STOML1: variants seen among roughly 807,000 people sequenced by gnomAD.
STOML1 encodes stomatin-like protein 1.
STOML1 carries 27 observed loss-of-function variants against 35.7 expected under a neutral mutation model. The ratio of observed to expected loss-of-function variants is 0.76; its 90% confidence interval spans 0.56 to 1.04. The LOEUF (loss-of-function observed/expected upper bound fraction) is 1.04. Among genes scored for constraint, STOML1 ranks in the 50% least tolerant of loss-of-function variants. The pLI is 0.00. For missense variants in STOML1, 451 were observed against 527.1 expected, an observed-to-expected ratio of 0.86 and a Z score of 1.41; for synonymous variants, 219 against 227.9, an observed-to-expected ratio of 0.96 and a Z score of 0.35.
chr15:73,990,894 T>C (rs2069253551), intron 1 of STOML1: 1 of 1,534,628 alleles, frequency 6.5e-7, no homozygotes, highest in South Asian at 1.2e-5. Context: ...TCCTATACCA[T>C]CAGCCCCAGA....
In STOML1 at chr15:73,988,049, C is replaced by T. The variant is rs1009520989; in HGVS notation, c.594+550G>A. ...CACAACTCTGCATGTGTATTTATTT[C>T]TACCCCATCTTGTAGCAGAAGAGAT... On this transcript the variant is annotated intron_variant, in intron 4 of 6. Transcript: ENST00000541638. This position sits in a 1 kb window ranked among gnomAD's most constrained non-coding sequence, Gnocchi z 4.8. The T allele has an allele frequency of 6.5e-6, 1 of 152,976 alleles. No individual in the cohort carries two copies. Among genetic ancestry groups the T allele is most frequent in the Non-Finnish European group, 1.5e-5 (1 of 68,550 alleles). The allele number at this position is 152,976 out of a possible 1,614,324, so 9.5% of individuals were successfully genotyped here.
intron 1 of STOML1, 22 bp from the exon 2 acceptor site, chr15:73,990,479 G>T (rs751542224): frequency 6.4e-7 from 1 of 1,574,202 alleles, no homozygotes; most frequent in Non-Finnish European, 8.6e-7. Context: ...AGCAGAGGTG[G>T]TCAACTGGAC....
At chr15:73,985,088 T>C (rs2069048160) in intron 5 of STOML1, among the ~76,000 whole-genome samples, 1 of 152,180 alleles carries the variant, frequency 6.6e-6, no homozygotes, top group Non-Finnish European at 1.5e-5. Context: ...GCCTCAGATA[T>C]AAAATTCTTT....
chr15:73,993,631 C>T (rs2069351057), upstream of STOML1, among the ~76,000 whole-genome samples: 4 of 152,306 alleles, frequency 2.6e-5, no homozygotes, highest in Middle Eastern at 3.4e-3. Context: ...TTACAAGAGC[C>T]AGGCCCTATC....
intron 2 of STOML1, 179 bp downstream of exon 2, chr15:73,990,172 A>T: frequency 1.6e-6 from 1 of 614,244 alleles, no homozygotes; most frequent in Non-Finnish European, 2.9e-6. Flanking sequence ...GACTTTAGAC[A>T]AGCCCAAGCC....
At chr15:73,992,370 G>A (rs1277773615), upstream of STOML1, 1 of 916,166 alleles carries the variant, frequency 1.1e-6, no homozygotes, top group South Asian at 3.6e-5. Context: ...GAGGAGGCCG[G>A]CCGGGGCCCG....
In STOML1 at chr15:73,988,328, T is replaced by G. The variant is rs1595863396; in HGVS notation, c.594+271A>C. 2 of 426,898 alleles carry G rather than the reference T, an allele frequency of 4.7e-6. No homozygotes were observed. The highest frequency in any genetic ancestry group is 2.8e-5 in the South Asian group (1 of 35,158). The allele number at this position is 426,898 out of a possible 1,614,324, so 26.4% of individuals were successfully genotyped here. A position where few individuals can be genotyped will look rare whatever the true frequency, so the allele number is the denominator to read the frequency against. Reference sequence around the variant, plus strand: ...GTCATCATGGCAGAGCAGTGAGGGGTAAAAACTAAGGGGCAGACCCCAAGA... The same window carrying G: ...GTCATCATGGCAGAGCAGTGAGGGGGAAAAACTAAGGGGCAGACCCCAAGA... On this transcript the variant is annotated intron_variant, in intron 4 of 6. Transcript: ENST00000541638. The surrounding 1 kb of genome is among the most constrained non-coding windows in gnomAD (Gnocchi z 4.8).
Position 73,985,299 on chromosome 15 carries a change from CCTCCCCAGGG to C in STOML1, c.790+9_790+18del. On this transcript the variant is annotated intron_variant, in intron 5 of 6. Coordinates refer to ENST00000541638, the MANE Select transcript of STOML1 (RefSeq NM_004809.5). ...CCAAGCTGGTAAACACCCCCGCTCTCCTCCCCAGGGCTCCTCACCTGGCCCCGGGGACGGG... is the reference window on the plus strand; with the variant it reads ...CCAAGCTGGTAAACACCCCCGCTCTCCTCCTCACCTGGCCCCGGGGACGGG... The C allele has an allele frequency of 6.6e-7, 1 of 1,516,454 alleles. No homozygotes were observed. Among genetic ancestry groups the C allele is most frequent in the Non-Finnish European group, 8.8e-7 (1 of 1,138,490 alleles). 93.9% of individuals were successfully genotyped at this position (1,516,454 alleles called of 1,614,324 possible).
intron 1 of STOML1, chr15:73,990,668 G>A: frequency 1.1e-6 from 1 of 944,998 alleles, no homozygotes; most frequent in Non-Finnish European, 1.6e-6. Context: ...ACACTCATTT[G>A]TCCCAAGTCC....
chr15:73,979,124 G>A lies in STOML1; in HGVS notation c.*4813C>T, dbSNP rs1418565407. 6.6e-6 allele frequency: 1 copy of A among 152,178 alleles called. No homozygotes were observed. The highest frequency in any genetic ancestry group is 1.5e-5 in the Non-Finnish European group (1 of 68,042). 9.4% of individuals were successfully genotyped at this position (152,178 alleles called of 1,614,324 possible). ...GGGGGAAAAAGCTAGACACAGAAGA[G>A]TACTGTGCACTCATTTCATTCATAT... On this transcript the variant is annotated 3_prime_UTR_variant, in exon 7 of 7. Coordinates refer to ENST00000541638, the MANE Select transcript of STOML1 (RefSeq NM_004809.5).
At chr15:73,984,535 C>G (rs1243802635) in intron 6 of STOML1, 124 bp downstream of exon 6, 2 of 1,156,826 alleles carry the variant, frequency 1.7e-6, no homozygotes, top group Non-Finnish European at 2.4e-6. Context: ...GAGCCCCTGC[C>G]TGCCATGGGT....
Position 73,992,259 on chromosome 15 carries a change from C to T in STOML1, c.-36G>A. On this transcript the variant is annotated 5_prime_UTR_variant, in exon 1 of 7. Coordinates refer to ENST00000541638, the MANE Select transcript of STOML1 (RefSeq NM_004809.5). The stretch of plus-strand genomic sequence containing the variant: ...AGGAGACACGCCCCGCGCCTCCGCG[C>T]GGCGCCCTCCCTGGCCAGTGGGCCC... 6.3e-7 allele frequency: 1 copy of T among 1,575,808 alleles called. No homozygotes were observed. Among genetic ancestry groups the T allele is most frequent in the South Asian group, 1.1e-5 (1 of 87,946 alleles).
At chr15:73,993,555 C>A (rs1002231037), upstream of STOML1, among the ~76,000 whole-genome samples, 2 of 152,166 alleles carry the variant, frequency 1.3e-5, no homozygotes, top group Admixed American at 1.3e-4. Context: ...GCTCCTGAGG[C>A]CTTACAGTCC....
intron 4 of STOML1, chr15:73,987,729 T>G (rs2069141134): frequency 6.6e-6 from 1 of 152,202 alleles, no homozygotes; most frequent in African/African-American, 2.4e-5. Flanking sequence ...AGTACCGACT[T>G]GCAGCAAAAA....
At chr15:73,984,623 C>T (rs758453362) in intron 6 of STOML1, 36 bp downstream of exon 6, 1 of 1,606,896 alleles carries the variant, frequency 6.2e-7, no homozygotes, top group Middle Eastern at 1.7e-4. Flanking sequence ...ACCTAGCAAG[C>T]TGGATGGGAA....
rs774607316 is a variant in STOML1 at position 73,988,788 on chromosome 15, G to T, written c.405C>A (p.Asp135Glu). The T allele has an allele frequency of 2.7e-5, 44 of 1,611,950 alleles. No homozygotes were observed. The highest frequency in any genetic ancestry group is 3.6e-5 in the Non-Finnish European group (42 of 1,178,184). ...CGGCTCCCACGGACAGCACAGCCCC[G>T]TCCTTAGAGGCCAGCTGTTGGGGGA... Reference protein sequence around the residue: ...NVPPCKLASKDGAVLSVGADV... With the variant: ...NVPPCKLASKEGAVLSVGADV... The change falls in exon 4 of 7, where the codon GAC (aspartate) becomes GAA (glutamate). Residue 135 changes from aspartate (D) to glutamate (E), a missense_variant. Coordinates refer to ENST00000541638, the MANE Select transcript of STOML1 (RefSeq NM_004809.5). This position sits in a 1 kb window ranked among gnomAD's most constrained non-coding sequence, Gnocchi z 4.8.
At chr15:73,994,581 G>T, upstream of STOML1, 1 of 598,176 alleles carries the variant, frequency 1.7e-6, no homozygotes, top group Non-Finnish European at 3.0e-6. Flanking sequence ...GCAGCTCTCC[G>T]CCTCTACCTC....
rs141071146 is a variant in STOML1 at position 73,988,702 on chromosome 15, G to C, written c.491C>G (p.Thr164Arg). ...LSVMTVKDLN[T>R]ATRMTAQNAM... ...GTTCTGGGCTGTCATGCGTGTGGCT[G>C]TGTTCAGGTCTTTCACAGTCATCAC... Residue 164 changes from threonine (T) to arginine (R), a missense_variant, in exon 4 of 7, where the codon ACA (threonine) becomes AGA (arginine). By Grantham distance (71) the Thr-to-Arg change is moderately conservative. Transcript: ENST00000541638. The surrounding 1 kb of genome is among the most constrained non-coding windows in gnomAD (Gnocchi z 4.8). The C allele has an allele frequency of 6.2e-7, 1 of 1,614,212 alleles. No individual in the cohort carries two copies. The highest frequency in any genetic ancestry group is 1.3e-5 in the African/African-American group (1 of 75,044).
At position 73,982,389 on chromosome 15, in the gene STOML1, C is replaced by A. The variant is rs1380010448; in HGVS notation, c.*1548G>T. 2.0e-5 allele frequency: 3 copies of A among 152,888 alleles called. No individual in the cohort carries two copies. The highest frequency in any genetic ancestry group is 2.1e-4 in the South Asian group (1 of 4,858). The allele number at this position is 152,888 out of a possible 1,614,324, so 9.5% of individuals were successfully genotyped here. On this transcript the variant is annotated 3_prime_UTR_variant, in exon 7 of 7. Transcript: ENST00000541638. ...AGAGGCCTCCAAGTAGGCAAAGGGG[C>A]AACAGCAGGTGCAGCAGCCTGGGAC...
Sources: allele counts gnomAD v4.1 joint callset (sites outside exome capture counted in the v4.1 genomes callset), GRCh38; gene constraint gnomAD v4.1.1; non-coding constraint Gnocchi (gnomAD v3.1); transcripts MANE v1.5; gene names NCBI Gene and HGNC (gene_info 2026-07-23, HGNC 2026-07-21).